Variants in CERS5 observed in about 807,000 individuals in gnomAD.
The protein encoded by CERS5 is ceramide synthase 5, also known as LAG1 homolog, ceramide synthase 5.
CERS5 carries 37 observed loss-of-function variants against 58.9 expected under a neutral mutation model. The observed-to-expected ratio is 0.63, with a 90% CI of 0.48 to 0.83. The LOEUF is 0.83. Ranked by LOEUF, CERS5 falls within the 40% of genes least tolerant of loss-of-function variation. The pLI is 0.00. For missense variants in CERS5, 398 were observed against 489.3 expected (o/e 0.81, Z 1.76); for synonymous variants, 147 against 177.8 (o/e 0.83, Z 1.38).
In CERS5 at chr12:50,133,702, A is replaced by G. The variant is rs533892257; in HGVS notation, c.1029+844T>C. ...CTCTTAAAAAACTCTTAACCCTATC[A>G]TCCTTTAACAAAAGCCATTCCTAAG... On this transcript the variant is annotated intron_variant, in intron 9 of 9. Transcript: ENST00000317551. 12 of 985,528 alleles carry G rather than the reference A, an allele frequency of 1.2e-5. No homozygotes were observed. The East Asian group carries it at 1.1e-3, about 93-fold the overall frequency. The allele number at this position is 985,528 out of a possible 1,614,324, so 61.0% of individuals were successfully genotyped here.
chr12:50,167,364 G>A lies in CERS5; in HGVS notation c.-67C>T, dbSNP rs1015117841. On this transcript the variant is annotated 5_prime_UTR_variant, in exon 1 of 10. Coordinates refer to ENST00000317551, the MANE Select transcript of CERS5 (RefSeq NM_147190.5). ...TGCCGCCACAGCCAACGGAACCCGC[G>A]GGGAGGCGGCCCCAGGGCGGGGCCC... The A allele has an allele frequency of 4.9e-6, 7 of 1,439,118 alleles. No homozygotes were observed. The highest frequency in any genetic ancestry group is 2.8e-5 in the East Asian group (1 of 35,934). The allele number at this position is 1,439,118 out of a possible 1,614,324, so 89.1% of individuals were successfully genotyped here. A position where few individuals can be genotyped will look rare whatever the true frequency, so the allele number is the denominator to read the frequency against.
chr12:50,131,950 A>G (rs530235390), intron 9 of CERS5, among the ~76,000 whole-genome samples: 2 of 151,974 alleles, frequency 1.3e-5, no homozygotes, highest in South Asian at 4.1e-4. Flanking sequence ...ATAAAAAATG[A>G]CAAAATCAGT....
chr12:50,136,648 G>A (rs1951711739), intron 6 of CERS5, among the ~76,000 whole-genome samples: 1 of 152,120 alleles, frequency 6.6e-6, no homozygotes, highest in African/African-American at 2.4e-5. Flanking sequence ...ATGCTAAGCT[G>A]ACACTTGGGG....
intron 1 of CERS5, among the ~76,000 whole-genome samples, chr12:50,158,856 AAG>A (rs1938948531): frequency 6.6e-6 from 1 of 152,194 alleles, no homozygotes; most frequent in African/African-American, 2.4e-5. Flanking sequence ...TATTTTACAG[AAG>A]AGATATAGTA....
In CERS5 at chr12:50,138,567, C is replaced by G; in HGVS notation, c.543G>C (p.Gln181His). 5 of 1,613,664 alleles carry G rather than the reference C, an allele frequency of 3.1e-6. No homozygotes were observed. The highest frequency in any genetic ancestry group is 4.2e-6 in the Non-Finnish European group (5 of 1,179,644). ...IRQCWHNYPF[Q>H]PLSSGLYHYY... The stretch of plus-strand genomic sequence containing the variant: ...TATCCTGAAACGACTCAGATCCTAC[C>G]TGAAATGGATAGTTATGCCAGCACT... The change falls in exon 5 of 10, where the codon CAG becomes CAC. Residue 181 changes from glutamine (Q) to histidine (H), a missense_variant and splice_region_variant. Gln to His is a conservative substitution (Grantham distance 24). Transcript: ENST00000317551.
chr12:50,131,663 C>T (rs1451429713), intron 9 of CERS5, among the ~76,000 whole-genome samples: 9 of 151,900 alleles, frequency 5.9e-5, no homozygotes, highest in Admixed American at 5.9e-4. Context: ...GAAAAGAATC[C>T]CAGTTCTAAT....
rs10538142 is a variant in CERS5, at chr12:50,129,818, CACAA to C, written c.*723_*726del. On this transcript the variant is annotated 3_prime_UTR_variant, in exon 10 of 10. Transcript: ENST00000317551. ...AGAGGTGGGTTGAAGCACTTTTAAT[CACAA>C]ACAAACAATAGTATAAGACCGTGAA... The C allele has an allele frequency of 0.71, 107,468 of 151,290 alleles. 39,410 individuals are homozygous for C. Among genetic ancestry groups the C allele is most frequent in the East Asian group, 0.92 (4,701 of 5,120 alleles). 9.4% of individuals were successfully genotyped at this position (151,290 alleles called of 1,614,324 possible). A position where few individuals can be genotyped will look rare whatever the true frequency, so the allele number is the denominator to read the frequency against.
chr12:50,163,213 T>C (rs1939500659), intron 1 of CERS5, among the ~76,000 whole-genome samples: 1 of 152,074 alleles, frequency 6.6e-6, no homozygotes, highest in Admixed American at 6.6e-5. Context: ...ATTTATTTAT[T>C]TTTGAGATGG....
chr12:50,135,486 A>C, intron 8 of CERS5: 1 of 684,444 alleles, frequency 1.5e-6, no homozygotes. Context: ...TGAGAAGCCA[A>C]CCAAGCCGGG....
intron 1 of CERS5, among the ~76,000 whole-genome samples, chr12:50,158,054 C>T (rs1260991528): frequency 9.7e-6 from 1 of 103,588 alleles, no homozygotes; most frequent in South Asian, 3.4e-4. Flanking sequence ...AGAGTGAGAC[C>T]ATGACCAAAA....
rs1405182464 is a variant in CERS5 at position 50,139,759 on chromosome 12, C to T, written c.493-1142G>A. On this transcript the variant is annotated intron_variant, in intron 4 of 9. Coordinates refer to ENST00000317551, the MANE Select transcript of CERS5 (RefSeq NM_147190.5). ...AGTGAGCCGAGATTGTACCACTGCA[C>T]TCCAGCCTGGGAGACAGAGTGAGAC... 2.0e-5 allele frequency among the ~76,000 whole-genome samples: 3 copies of T among 152,316 alleles called. No individual in the cohort carries two copies. In the East Asian group the frequency reaches 5.8e-4, roughly 29 times the overall value.
chr12:50,132,211 C>A (rs11169279), intron 9 of CERS5, among the ~76,000 whole-genome samples: 2 of 151,826 alleles, frequency 1.3e-5, no homozygotes, highest in African/African-American at 4.8e-5. Context: ...ACCAGCCAGA[C>A]CAACATGAAG....
chr12:50,143,953 T>A lies in CERS5; in HGVS notation c.302A>T (p.Lys101Met), dbSNP rs112731520. ...ILEKVFISIT[K>M]YPDKKRLEGL... ...CTCTCTGTTTCTTTGCCCACTTACC[T>A]TGGTAATAGATATGAACACCTTTTC... The change falls in exon 2 of 10, where the codon AAG (lysine) becomes ATG (methionine). Residue 101 changes from lysine to methionine, a missense_variant and splice_region_variant. Coordinates refer to ENST00000317551, the MANE Select transcript of CERS5 (RefSeq NM_147190.5). 5 of 1,582,938 alleles carry A rather than the reference T, an allele frequency of 3.2e-6. No homozygotes were observed. The African/African-American group carries it at 5.4e-5, about 17-fold the overall frequency.
chr12:50,135,426 G>GAATT (rs1166955344), intron 8 of CERS5: 19 of 573,228 alleles, frequency 3.3e-5, no homozygotes, highest in Non-Finnish European at 5.9e-5. Context: ...GAAGTCAAAG[G>GAATT]AATTACTTAG....
At chr12:50,161,138 G>A (rs2138268343) in intron 1 of CERS5, among the ~76,000 whole-genome samples, 1 of 152,266 alleles carries the variant, frequency 6.6e-6, no homozygotes, top group African/African-American at 2.4e-5. Flanking sequence ...CCACTGCAAT[G>A]AACCAGTCAA....
intron 8 of CERS5, chr12:50,135,285 AGAGGGAGGAAGAGAGAGAGAGGAGTGTGT>A: frequency 5.1e-6 from 1 of 195,248 alleles, no homozygotes; most frequent in Non-Finnish European, 9.7e-6. Flanking sequence ...GAGAGAGAGG[AGAGGGAGGAAGAGAGAGAGAGGAGTGTGT>A]GTGTGTGTGT....
Position 50,135,731 on chromosome 12 carries a change from C to A in CERS5, c.872+1G>T. ...CACAACTCTACAGCCCTACCACTTA[C>A]CAGAATGGATAGATTCCTAGTCGTG... is the stretch of plus-strand genomic sequence containing the variant. On this transcript the variant is annotated splice_donor_variant, in intron 8 of 9. Transcript: ENST00000317551. LOFTEE classifies it high-confidence loss of function. 12 of 1,603,688 alleles carry A rather than the reference C, an allele frequency of 7.5e-6. No homozygotes were observed. The highest frequency in any genetic ancestry group is 9.4e-6 in the Non-Finnish European group (11 of 1,170,502).
At chr12:50,144,573 C>T (rs1257791202) in intron 1 of CERS5, 1 of 404,054 alleles carries the variant, frequency 2.5e-6, no homozygotes, top group Non-Finnish European at 4.4e-6. Context: ...AGACTAAGCT[C>T]TTCCTGCATA....
At chr12:50,136,883 T>G (rs550228343) in intron 6 of CERS5, among the ~76,000 whole-genome samples, 1 of 152,330 alleles carries the variant, frequency 6.6e-6, no homozygotes, top group African/African-American at 2.4e-5. Flanking sequence ...TTTTTAAAAC[T>G]TAAATATGTA....
Sources: gnomAD v4.1 joint callset for allele counts (sites outside exome capture counted in the v4.1 genomes callset) on GRCh38, gnomAD v4.1.1 for gene constraint, MANE v1.5 for transcripts, NCBI Gene and HGNC (gene_info 2026-07-23, HGNC 2026-07-21) for gene names.